The following TPST1 variants were observed in gnomAD, a reference collection of about 807,000 sequenced individuals.
TPST1 encodes tyrosylprotein sulfotransferase 1.
A neutral mutation model predicts 34.8 loss-of-function variants in TPST1; 20 were observed. The observed-to-expected ratio is 0.57, with a 90% CI of 0.40 to 0.84. The LOEUF (loss-of-function observed/expected upper bound fraction) is 0.84. TPST1 is among the 40% of genes least tolerant of loss of function. The pLI is 0.00. For missense variants in TPST1, 353 were observed against 455.5 expected (o/e 0.78, Z 2.05); for synonymous variants, 152 against 159.4 (o/e 0.95, Z 0.35).
At chr7:66,303,261 G>C (rs1274624015) in intron 3 of TPST1, among the ~76,000 whole-genome samples, 1 of 147,230 alleles carries the variant, frequency 6.8e-6, no homozygotes, top group African/African-American at 2.4e-5. Context: ...CAACTTTCTG[G>C]TCTGAAAAAA....
chr7:66,328,906 A>ATATATAT lies in TPST1; in HGVS notation c.1045-23598_1045-23597insATATATT, dbSNP rs1299138303. 9.7e-3 allele frequency among the ~76,000 whole-genome samples: 128 copies of ATATATAT among 13,174 alleles called. 10 individuals carry two copies. Among genetic ancestry groups the ATATATAT allele is most frequent in the Non-Finnish European group, 0.012 (100 of 8,598 alleles). The allele number at this position is 13,174 out of a possible 152,430, so 8.6% of individuals were successfully genotyped here. Reference sequence around the variant, plus strand: ...TCTCTCTATATATATATATATATATATTTTTTTTTTTTTTTTTTTTTTTGA... The same window carrying ATATATAT: ...TCTCTCTATATATATATATATATATATATATATTTTTTTTTTTTTTTTTTTTTTTTGA... On this transcript the variant is annotated intron_variant, in intron 3 of 5. Transcript: ENST00000304842.
At chr7:66,246,941 T>C (rs1228510688) in intron 2 of TPST1, among the ~76,000 whole-genome samples, 1 of 152,218 alleles carries the variant, frequency 6.6e-6, no homozygotes, top group Non-Finnish European at 1.5e-5. Context: ...CAATTGGATA[T>C]TGGGATAGGC....
chr7:66,309,327 C>T (rs1791484584), intron 3 of TPST1, among the ~76,000 whole-genome samples: 2 of 152,224 alleles, frequency 1.3e-5, no homozygotes, highest in Non-Finnish European at 2.9e-5. Context: ...CCTGATTACT[C>T]AAGCCAATAT....
At chr7:66,273,219 AT>A (rs1790739209) in intron 2 of TPST1, among the ~76,000 whole-genome samples, 3 of 152,204 alleles carry the variant, frequency 2.0e-5, no homozygotes, top group South Asian at 4.1e-4. Context: ...TAAATTTAAA[AT>A]TTAATCAAGG....
intron 1 of TPST1, among the ~76,000 whole-genome samples, chr7:66,232,073 A>G (rs1584155826): frequency 6.6e-6 from 1 of 152,126 alleles, no homozygotes; most frequent in Admixed American, 6.5e-5. Flanking sequence ...CTTTTTGGCT[A>G]TGAATAACAA....
At chr7:66,233,547 T>A (rs1789842307) in intron 1 of TPST1, among the ~76,000 whole-genome samples, 1 of 152,218 alleles carries the variant, frequency 6.6e-6, no homozygotes, top group Non-Finnish European at 1.5e-5. Context: ...GTTCTATTCA[T>A]TTATGTGTCC....
intron 1 of TPST1, among the ~76,000 whole-genome samples, chr7:66,217,427 C>A (rs1161457502): frequency 6.6e-6 from 1 of 152,060 alleles, no homozygotes; most frequent in Non-Finnish European, 1.5e-5. Context: ...TGGATTTTCC[C>A]TCTTATAAAA....
At chr7:66,254,190 T>C (rs1790333989) in intron 2 of TPST1, among the ~76,000 whole-genome samples, 1 of 152,054 alleles carries the variant, frequency 6.6e-6, no homozygotes, top group Admixed American at 6.6e-5. Flanking sequence ...TGTAGGTAAT[T>C]TGGGGGAGGA....
chr7:66,269,356 C>T (rs1398207073), intron 2 of TPST1, among the ~76,000 whole-genome samples: 4 of 152,102 alleles, frequency 2.6e-5, no homozygotes, highest in Non-Finnish European at 5.9e-5. Flanking sequence ...AATAAAATAC[C>T]AGTAAATAGA....
chr7:66,359,789 A>G (rs1313308483), intron 5 of TPST1, 106 bp from the exon 6 acceptor site: 6 of 433,002 alleles, frequency 1.4e-5, no homozygotes, highest in Admixed American at 7.2e-5. Context: ...AACCTCCCCA[A>G]CCGCCTGGCT....
intron 1 of TPST1, among the ~76,000 whole-genome samples, chr7:66,239,794 A>G (rs1034718579): frequency 5.9e-5 from 9 of 152,252 alleles, no homozygotes; most frequent in African/African-American, 2.2e-4. Flanking sequence ...GTTTCTGATT[A>G]TAAACATTGA....
chr7:66,222,124 C>T (rs1789555157), intron 1 of TPST1, among the ~76,000 whole-genome samples: 1 of 152,190 alleles, frequency 6.6e-6, no homozygotes, highest in South Asian at 2.1e-4. Context: ...TGGCTCACGC[C>T]TGTAATCCCA....
At chr7:66,220,760 C>CTTG (rs35770115) in intron 1 of TPST1, among the ~76,000 whole-genome samples, 1 of 149,474 alleles carries the variant, frequency 6.7e-6, no homozygotes, top group South Asian at 2.1e-4. Context: ...ATGGTGAGGA[C>CTTG]TTAATTTTTT....
intron 1 of TPST1, among the ~76,000 whole-genome samples, chr7:66,213,193 T>C (rs957300890): frequency 1.3e-5 from 2 of 152,210 alleles, no homozygotes; most frequent in East Asian, 3.8e-4. Flanking sequence ...GTTAGATCTT[T>C]TGTTACTGTC....
At chr7:66,329,757 T>C (rs1249414078) in intron 3 of TPST1, among the ~76,000 whole-genome samples, 1 of 152,220 alleles carries the variant, frequency 6.6e-6, no homozygotes, top group Non-Finnish European at 1.5e-5. Flanking sequence ...CATGAAATAT[T>C]GCACAGCCAT....
At chr7:66,303,727 A>T (rs1011433967) in intron 3 of TPST1, among the ~76,000 whole-genome samples, 6 of 152,240 alleles carry the variant, frequency 3.9e-5, no homozygotes, top group South Asian at 4.1e-4. Context: ...GTAGTTTTTT[A>T]AAAAAATAAA....
At position 66,240,958 on chromosome 7, in the gene TPST1, A is replaced by T. The variant is rs777930990; in HGVS notation, c.533A>T (p.Lys178Ile). 1 of 1,614,182 alleles carries T rather than the reference A, an allele frequency of 6.2e-7. No individual in the cohort carries two copies. Among genetic ancestry groups the T allele is most frequent in the East Asian group, 2.2e-5 (1 of 44,890 alleles). ...CTTTCTAGGTTATTCCCCAATGCCA[A>T]ATTTCTCCTGATGGTCCGAGATGGC... is the stretch of plus-strand genomic sequence containing the variant. ...TYLSRLFPNA[K>I]FLLMVRDGRA... The change falls in exon 2 of 6, where the codon AAA becomes ATA. Residue 178 changes from lysine (K) to isoleucine (I), a missense_variant. Physicochemically the swap from Lys to Ile is moderately radical, Grantham distance 102 (BLOSUM62 -3). Transcript: ENST00000304842.
At chr7:66,213,187 G>T (rs760818707) in intron 1 of TPST1, among the ~76,000 whole-genome samples, 45 of 152,058 alleles carry the variant, frequency 3.0e-4, no homozygotes, top group Non-Finnish European at 5.1e-4. Flanking sequence ...CTGAATGTTA[G>T]ATCTTTTGTT....
rs138862941 is a variant in TPST1, at chr7:66,276,365, C to CATATATATATATATATATATATAT, written c.846-10130_846-10129insATATATATATATATATATATATAT. On this transcript the variant is annotated intron_variant, in intron 2 of 5. Coordinates refer to ENST00000304842, the MANE Select transcript of TPST1 (RefSeq NM_003596.4). ...TTCTTCTTAAATTTTAAAAACATTT[C>CATATATATATATATATATATATAT]ATATATATATATATATGTATTTTTT... 5.0e-3 allele frequency among the ~76,000 whole-genome samples: 454 copies of CATATATATATATATATATATATAT among 90,762 alleles called. 36 individuals carry two copies. Among genetic ancestry groups the CATATATATATATATATATATATAT allele is most frequent in the African/African-American group, 0.012 (197 of 16,786 alleles). 59.5% of individuals were successfully genotyped at this position (90,762 alleles called of 152,430 possible). A position where few individuals can be genotyped will look rare whatever the true frequency, so the allele number is the denominator to read the frequency against.
Sources: gnomAD v4.1 joint callset for allele counts (sites outside exome capture counted in the v4.1 genomes callset) on GRCh38, gnomAD v4.1.1 for gene constraint, MANE v1.5 for transcripts, NCBI Gene and HGNC (gene_info 2026-07-23, HGNC 2026-07-21) for gene names.